Variants in CACNA1E observed in about 807,000 individuals in gnomAD.
CACNA1E encodes the protein calcium voltage-gated channel subunit alpha1 E.
CACNA1E carries 40 observed loss-of-function variants against 259.2 expected under a neutral mutation model. The ratio of observed to expected loss-of-function variants is 0.15; its 90% confidence interval spans 0.12 to 0.20. The LOEUF is 0.20. Among genes scored for constraint, CACNA1E ranks in the 10% least tolerant of loss-of-function variants. The probability of loss-of-function intolerance (pLI) is 1.00; values close to 1 mark genes in which losing one functional copy is unlikely to be tolerated. For synonymous variants in CACNA1E, 1,104 were observed against 1,138.5 expected (o/e 0.97, Z 0.61); for missense variants, 1,874 against 3,040.1 (o/e 0.62, Z 9.02).
intron 17 of CACNA1E, among the ~76,000 whole-genome samples, chr1:181,725,743 C>T (rs1286951954): frequency 6.6e-6 from 1 of 152,250 alleles, no homozygotes; most frequent in African/African-American, 2.4e-5. Context: ...CACTGACCTC[C>T]ACAGCCATAG....
intron 1 of CACNA1E, among the ~76,000 whole-genome samples, chr1:181,388,149 G>T (rs912729977): frequency 6.6e-6 from 1 of 152,208 alleles, no homozygotes; most frequent in Non-Finnish European, 1.5e-5. Flanking sequence ...AGCAGCCAGA[G>T]CACGGCCATC....
chr1:181,442,103 A>T (rs1660515247), intron 2 of CACNA1E, among the ~76,000 whole-genome samples: 1 of 151,962 alleles, frequency 6.6e-6, no homozygotes, highest in Admixed American at 6.5e-5. Context: ...TCTGCTTCCC[A>T]TCTCACTTGG....
chr1:181,483,561 C>A lies in CACNA1E; in HGVS notation c.-184C>A. On this transcript the variant is annotated 5_prime_UTR_variant, in exon 1 of 48. Transcript: ENST00000367573. ...TCGCAGAGGTTGCATTTAGATTCAA[C>A]AGTTCACAGCGGCGGGCTGCTGCTG... 9.7e-6 allele frequency: 3 copies of A among 308,760 alleles called. No homozygotes were observed. The highest frequency in any genetic ancestry group is 2.3e-5 in the African/African-American group (1 of 44,384). 19.1% of individuals were successfully genotyped at this position (308,760 alleles called of 1,614,324 possible).
At chr1:181,727,600 C>T (rs913260226) in intron 18 of CACNA1E, among the ~76,000 whole-genome samples, 3 of 152,186 alleles carry the variant, frequency 2.0e-5, no homozygotes, top group Admixed American at 6.5e-5. Flanking sequence ...TACAGGTAGT[C>T]GGCCTGGGCC....
chr1:181,464,355 C>T (rs1177969076), intron 2 of CACNA1E, among the ~76,000 whole-genome samples: 1 of 151,662 alleles, frequency 6.6e-6, no homozygotes, highest in East Asian at 1.9e-4. Flanking sequence ...TTTTTAGTCC[C>T]TGGGCATGAC....
rs116106423 is a variant in CACNA1E at position 181,746,735 on chromosome 1, T to C, written c.3720-3741T>C. On this transcript the variant is annotated intron_variant, in intron 25 of 47. Coordinates refer to ENST00000367573, the MANE Select transcript of CACNA1E (RefSeq NM_001205293.3). Reference sequence around the variant, plus strand: ...CAGGGAGGGGAGTGTGATAGCTTAGTATTTGAGATCAGGAAGTACTTGGTC... The same window carrying C: ...CAGGGAGGGGAGTGTGATAGCTTAGCATTTGAGATCAGGAAGTACTTGGTC... Among the ~76,000 whole-genome samples the C allele has an allele frequency of 6.6e-3, 943 of 143,680 alleles. 8 individuals carry two copies. The highest frequency in any genetic ancestry group is 0.024 in the African/African-American group (915 of 38,646). 94.3% of individuals were successfully genotyped at this position (143,680 alleles called of 152,430 possible).
chr1:181,613,288 G>A (rs1008367595), intron 6 of CACNA1E, among the ~76,000 whole-genome samples: 19 of 152,006 alleles, frequency 1.2e-4, no homozygotes, highest in African/African-American at 4.6e-4. Context: ...CCACCTCCTG[G>A]GCAAAAATCC....
At chr1:181,436,162 G>C (rs1660071309) in intron 2 of CACNA1E, among the ~76,000 whole-genome samples, 1 of 152,212 alleles carries the variant, frequency 6.6e-6, no homozygotes, top group Non-Finnish European at 1.5e-5. Flanking sequence ...TTTAACCACA[G>C]TGAGATATCA....
intron 1 of CACNA1E, among the ~76,000 whole-genome samples, chr1:181,325,777 C>T (rs7542284): frequency 2.0e-5 from 3 of 152,246 alleles, no homozygotes; most frequent in South Asian, 2.1e-4. Context: ...ACTGTCCATC[C>T]GGAATTAAAT....
intron 2 of CACNA1E, among the ~76,000 whole-genome samples, chr1:181,419,356 T>A (rs1161552126): frequency 6.6e-6 from 1 of 152,210 alleles, no homozygotes; most frequent in Non-Finnish European, 1.5e-5. Context: ...ATCAGGCCTC[T>A]GCCTTTTGCT....
At chr1:181,772,298 A>G in intron 37 of CACNA1E, 67 bp downstream of exon 37, 1 of 1,489,588 alleles carries the variant, frequency 6.7e-7, no homozygotes, top group South Asian at 1.2e-5. Flanking sequence ...CCTCTGATAC[A>G]TAGACCGGAG....
At position 181,647,373 on chromosome 1, in the gene CACNA1E, T is replaced by C. The variant is rs539089761; in HGVS notation, c.952-3965T>C. On this transcript the variant is annotated intron_variant, in intron 6 of 47. Coordinates refer to ENST00000367573, the MANE Select transcript of CACNA1E (RefSeq NM_001205293.3). ...GGGAAAATAGAGTGCAAGTCTTACA[T>C]GAAAGGAGCTTGCGAGAACTGCCAC... 2.1e-3 allele frequency among the ~76,000 whole-genome samples: 318 copies of C among 152,188 alleles called. 1 individual carries two copies. The highest frequency in any genetic ancestry group is 3.3e-3 in the Non-Finnish European group (222 of 68,000).
At chr1:181,708,847 C>G (rs1653054378) in intron 7 of CACNA1E, among the ~76,000 whole-genome samples, 3 of 152,056 alleles carry the variant, frequency 2.0e-5, no homozygotes, top group Admixed American at 2.0e-4. Context: ...AAGATGTGCT[C>G]TACACATGTT....
chr1:181,612,408 C>G lies in CACNA1E; in HGVS notation c.951+31632C>G, dbSNP rs1654831200. On this transcript the variant is annotated intron_variant, in intron 6 of 47. Coordinates refer to ENST00000367573, the MANE Select transcript of CACNA1E (RefSeq NM_001205293.3). ...GAGCTCATGTGGGCCCTGGTCTTTGCAAGGTTTTATTTTTCATTGGAATGC... is the reference window on the plus strand; with the variant it reads ...GAGCTCATGTGGGCCCTGGTCTTTGGAAGGTTTTATTTTTCATTGGAATGC... Among the ~76,000 whole-genome samples, 4 of 152,138 alleles carry G rather than the reference C, an allele frequency of 2.6e-5. No individual in the cohort carries two copies. In the South Asian group the frequency reaches 8.3e-4, roughly 32 times the overall value.
intron 3 of CACNA1E, among the ~76,000 whole-genome samples, chr1:181,542,178 C>T (rs1341869202): frequency 6.6e-6 from 1 of 152,224 alleles, no homozygotes; most frequent in Non-Finnish European, 1.5e-5. Flanking sequence ...GACAGCTTGA[C>T]TCCAACTGTG....
chr1:181,501,273 T>G (rs1665226791), intron 1 of CACNA1E, among the ~76,000 whole-genome samples: 1 of 152,134 alleles, frequency 6.6e-6, no homozygotes, highest in Admixed American at 6.5e-5. Flanking sequence ...GGCATGGCAG[T>G]GGGAGGAGGG....
intron 6 of CACNA1E, among the ~76,000 whole-genome samples, chr1:181,623,307 A>G (rs1309594031): frequency 6.6e-6 from 1 of 152,242 alleles, no homozygotes; most frequent in Non-Finnish European, 1.5e-5. Flanking sequence ...ACACATATAC[A>G]TAACAAAATA....
At chr1:181,526,227 T>G (rs1306568931) in intron 3 of CACNA1E, among the ~76,000 whole-genome samples, 1 of 152,102 alleles carries the variant, frequency 6.6e-6, no homozygotes, top group East Asian at 1.9e-4. Context: ...TAGGTACTAT[T>G]ATAATCACTA....
chr1:181,429,249 G>A (rs12065482), intron 2 of CACNA1E, among the ~76,000 whole-genome samples: 60,598 of 152,090 alleles, frequency 0.4, 12,360 homozygotes, highest in African/African-American at 0.46. Flanking sequence ...ACCTTGGCCA[G>A]GCCTCTTCAC....
Sources: gnomAD v4.1 joint callset for allele counts (sites outside exome capture counted in the v4.1 genomes callset) on GRCh38, gnomAD v4.1.1 for gene constraint, MANE v1.5 for transcripts, NCBI Gene and HGNC (gene_info 2026-07-23, HGNC 2026-07-21) for gene names.